The following DNAH9 variants were observed in gnomAD, a reference collection of about 807,000 sequenced individuals.
DNAH9 encodes the protein dynein axonemal heavy chain 9, also known as DNAH9 variant protein.
DNAH9 carries 345 observed loss-of-function variants against 471.6 expected under a neutral mutation model. The ratio of observed to expected loss-of-function variants is 0.73; its 90% CI spans 0.67 to 0.80. The LOEUF is 0.80. Ranked by LOEUF, DNAH9 falls within the 30% of genes least tolerant of loss-of-function variation. The probability of loss-of-function intolerance (pLI) is 0.00; values close to 1 mark genes in which losing one functional copy is unlikely to be tolerated. For missense variants in DNAH9, 5,407 were observed against 5,609.2 expected, an observed-to-expected ratio of 0.96 and a Z score of 1.15; for synonymous variants, 2,093 against 2,123.6, an observed-to-expected ratio of 0.99 and a Z score of 0.40.
chr17:11,678,562 G>A (rs573194648), intron 17 of DNAH9, among the ~76,000 whole-genome samples: 1 of 152,290 alleles, frequency 6.6e-6, no homozygotes, highest in African/African-American at 2.4e-5. Context: ...GCTTCCATTT[G>A]TGTTGCCGAG....
intron 50 of DNAH9, among the ~76,000 whole-genome samples, chr17:11,863,298 G>A (rs1971925599): frequency 6.6e-6 from 1 of 152,046 alleles, no homozygotes; most frequent in Non-Finnish European, 1.5e-5. Flanking sequence ...TTTGTCTTTG[G>A]TTCTGTTTAT....
chr17:11,653,025 G>A (rs765373062), intron 14 of DNAH9, 23 bp downstream of exon 14: 57 of 1,610,574 alleles, frequency 3.5e-5, no homozygotes, highest in South Asian at 5.5e-5. Flanking sequence ...CCACTCAGGC[G>A]CACATACTAC....
rs772202988 is a variant in DNAH9, at chr17:11,669,560, T to C, written c.3119T>C (p.Ile1040Thr). The change falls in exon 17 of 69, where the codon ATT (isoleucine) becomes ACT (threonine). Residue 1040 changes from isoleucine (I) to threonine (T), a missense_variant. Ile to Thr is a moderately conservative substitution (Grantham distance 89, BLOSUM62 -1). Around this residue, in one of 3 missense-constraint regions of DNAH9, gnomAD observed 4,636 missense variants for 4,900.3 expected, o/e 0.95. Transcript: ENST00000262442. ...GGGCACATCCTCACTCCGGAAGAAATTGAAGACCATGTGGAAGATGGCATC... is the reference window on the plus strand; with the variant it reads ...GGGCACATCCTCACTCCGGAAGAAACTGAAGACCATGTGGAAGATGGCATC... ...LYGHILTPEEIEDHVEDGIPE... is the reference protein window; with the variant it reads ...LYGHILTPEETEDHVEDGIPE... 6.8e-6 allele frequency: 11 copies of C among 1,614,160 alleles called. No individual in the cohort carries two copies. The Admixed American group carries it at 1.3e-4, about 20-fold the overall frequency.
chr17:11,831,713 C>A (rs1970690437), intron 48 of DNAH9, among the ~76,000 whole-genome samples: 1 of 152,214 alleles, frequency 6.6e-6, no homozygotes, highest in African/African-American at 2.4e-5. Context: ...GGGGAAAACA[C>A]TCCTTTTCAG....
chr17:11,828,961 G>A (rs1014199439), intron 48 of DNAH9, among the ~76,000 whole-genome samples: 1 of 152,114 alleles, frequency 6.6e-6, no homozygotes, highest in Non-Finnish European at 1.5e-5. Context: ...CTACAAATGG[G>A]TGAATAAATG....
intron 60 of DNAH9, among the ~76,000 whole-genome samples, chr17:11,904,847 T>A (rs183844642): frequency 6.6e-6 from 1 of 152,030 alleles, no homozygotes; most frequent in African/African-American, 2.4e-5. Context: ...TAAGTGGTTA[T>A]AGCTATGAAG....
intron 63 of DNAH9, 134 bp downstream of exon 63, chr17:11,930,227 A>G: frequency 1.3e-6 from 1 of 766,874 alleles, no homozygotes. Flanking sequence ...GATGTGGGTA[A>G]AATGTTCCCA....
intron 45 of DNAH9, among the ~76,000 whole-genome samples, chr17:11,816,337 G>A (rs1042358997): frequency 6.6e-6 from 1 of 152,160 alleles, no homozygotes; most frequent in Non-Finnish European, 1.5e-5. Flanking sequence ...GCAGAGTCTT[G>A]TTTTTCATCG....
At chr17:11,714,669 AT>A (rs1211205413) in intron 26 of DNAH9, among the ~76,000 whole-genome samples, 1 of 152,166 alleles carries the variant, frequency 6.6e-6, no homozygotes, top group Non-Finnish European at 1.5e-5. Context: ...ACTTAATATA[AT>A]TATATAAGCC....
At chr17:11,616,152 A>G (rs8066587) in intron 4 of DNAH9, among the ~76,000 whole-genome samples, 151,016 of 152,278 alleles carry the variant, frequency 0.99, 74,890 homozygotes, top group East Asian at 1. Context: ...TGGTTGTTTC[A>G]TGGGAGGGCC....
chr17:11,655,076 A>G (rs1045965349), intron 14 of DNAH9, among the ~76,000 whole-genome samples: 1 of 152,092 alleles, frequency 6.6e-6, no homozygotes, highest in East Asian at 1.9e-4. Context: ...TAATTGGTAC[A>G]TAGGCACCCA....
intron 17 of DNAH9, among the ~76,000 whole-genome samples, chr17:11,671,705 A>G (rs757226795): frequency 2.0e-5 from 3 of 152,216 alleles, no homozygotes; most frequent in Non-Finnish European, 4.4e-5. Context: ...AGCCCTGTGC[A>G]GGGAAGTCCC....
At chr17:11,645,919 G>A (rs1383526167) in intron 11 of DNAH9, among the ~76,000 whole-genome samples, 17 of 134,532 alleles carry the variant, frequency 1.3e-4, no homozygotes, top group East Asian at 2.1e-4. Context: ...TTGCTCTGTC[G>A]CCCAGATTGG....
intron 57 of DNAH9, among the ~76,000 whole-genome samples, chr17:11,888,272 T>C (rs142318553): frequency 0.014 from 2,179 of 152,234 alleles, 53 homozygotes; most frequent in East Asian, 0.12. Context: ...CGTGAGCCAC[T>C]GCACCCGGTC....
intron 26 of DNAH9, among the ~76,000 whole-genome samples, chr17:11,708,014 C>CAGAGAGAGAGAGAG (rs34314090): frequency 1.9e-5 from 1 of 52,154 alleles, no homozygotes; most frequent in Non-Finnish European, 3.9e-5. Context: ...CACACACACA[C>CAGAGAGAGAGAGAG]AGAGAGAGAG....
At chr17:11,764,663 C>G (rs1967855393) in intron 36 of DNAH9, among the ~76,000 whole-genome samples, 1 of 151,940 alleles carries the variant, frequency 6.6e-6, no homozygotes, top group Admixed American at 6.6e-5. Flanking sequence ...GCATAACAGT[C>G]TCCAGGTTCA....
At chr17:11,627,964 GC>G (rs2072999295) in intron 6 of DNAH9, among the ~76,000 whole-genome samples, 1 of 152,166 alleles carries the variant, frequency 6.6e-6, no homozygotes, top group African/African-American at 2.4e-5. Flanking sequence ...CATAGCAGCA[GC>G]CATGGGCAGT....
chr17:11,632,455 T>C, intron 7 of DNAH9, 132 bp from the exon 8 acceptor site: 1 of 612,936 alleles, frequency 1.6e-6, no homozygotes, highest in Non-Finnish European at 2.9e-6. Flanking sequence ...AGTCATGCCA[T>C]GGTGAATTTC....
At chr17:11,619,938 TG>T in intron 6 of DNAH9, 157 bp downstream of exon 6, 2 of 606,620 alleles carry the variant, frequency 3.3e-6, no homozygotes, top group Non-Finnish European at 5.9e-6. Context: ...CCAGTCACAG[TG>T]GCTCATGCCT....
Sources: allele counts gnomAD v4.1 joint callset (sites outside exome capture counted in the v4.1 genomes callset), GRCh38; gene constraint gnomAD v4.1.1; regional missense constraint gnomAD v4.1.1; transcripts MANE v1.5; gene names NCBI Gene and HGNC (gene_info 2026-07-23, HGNC 2026-07-21).